The following CADPS2 variants were observed in gnomAD, a reference collection of about 807,000 sequenced individuals.
CADPS2 encodes the protein calcium-dependent secretion activator 2.
A neutral mutation model predicts 172.5 loss-of-function variants in CADPS2; 93 were observed. The observed-to-expected ratio is 0.54, with a 90% CI of 0.46 to 0.64. The LOEUF is 0.64. Among genes scored for constraint, CADPS2 ranks in the 30% least tolerant of loss-of-function variants. CADPS2 has a pLI of 0.00. For missense variants in CADPS2, 1,420 were observed against 1,565.9 expected, an observed-to-expected ratio of 0.91 and a Z score of 1.57; for synonymous variants, 546 against 555.2, an observed-to-expected ratio of 0.98 and a Z score of 0.23.
At chr7:122,570,065 C>G (rs1055387124) in intron 7 of CADPS2, among the ~76,000 whole-genome samples, 4 of 150,242 alleles carry the variant, frequency 2.7e-5, no homozygotes, top group African/African-American at 9.9e-5. Context: ...TTCTGCACAA[C>G]AAAAGAAACT....
chr7:122,332,431 G>A (rs1415309641), intron 28 of CADPS2, among the ~76,000 whole-genome samples: 1 of 145,432 alleles, frequency 6.9e-6, no homozygotes, highest in Non-Finnish European at 1.5e-5. Context: ...AGAGAAGCAT[G>A]TGATTCATGC....
At chr7:122,839,535 C>T (rs949567948) in intron 1 of CADPS2, among the ~76,000 whole-genome samples, 11 of 152,252 alleles carry the variant, frequency 7.2e-5, no homozygotes, top group South Asian at 2.1e-4. Context: ...ACTCATCTGA[C>T]AAAGGGCTAA....
chr7:122,533,490 C>T (rs139463795), intron 8 of CADPS2, among the ~76,000 whole-genome samples: 1 of 152,162 alleles, frequency 6.6e-6, no homozygotes, highest in African/African-American at 2.4e-5. Context: ...CAAACTCACA[C>T]TGCTTAACGG....
At chr7:122,851,651 C>T (rs150182261) in intron 1 of CADPS2, among the ~76,000 whole-genome samples, 37 of 152,014 alleles carry the variant, frequency 2.4e-4, no homozygotes, top group African/African-American at 6.8e-4. Flanking sequence ...ACAATCATGG[C>T]GGAAGAGGAA....
chr7:122,612,541 G>A (rs1257027171), intron 6 of CADPS2, among the ~76,000 whole-genome samples: 1 of 151,926 alleles, frequency 6.6e-6, no homozygotes, highest in African/African-American at 2.4e-5. Context: ...GAAATTGAAG[G>A]TCTAAATACA....
rs80215237 is a variant in CADPS2 at position 122,341,974 on chromosome 7, A to G, written c.3612+3600T>C. 6.5e-3 allele frequency among the ~76,000 whole-genome samples: 990 copies of G among 152,312 alleles called. 11 individuals are homozygous for G. Among genetic ancestry groups the G allele is most frequent in the African/African-American group, 0.022 (907 of 41,572 alleles). On this transcript the variant is annotated intron_variant, in intron 28 of 29. Transcript: ENST00000449022. ...TAAAAAGTTATTTCTGTTTTAAGCA[A>G]AAAGTGTTTTGTAAATGTGACTACT...
intron 4 of CADPS2, among the ~76,000 whole-genome samples, chr7:122,627,166 A>T (rs1260252907): frequency 1.3e-5 from 2 of 152,182 alleles, no homozygotes; most frequent in Non-Finnish European, 2.9e-5. Context: ...TTGTTATGTA[A>T]TCATGGTGAA....
chr7:122,370,233 G>T (rs570318266), intron 25 of CADPS2, among the ~76,000 whole-genome samples: 2 of 152,098 alleles, frequency 1.3e-5, no homozygotes, highest in Non-Finnish European at 2.9e-5. Context: ...GTTTGTTAGT[G>T]TGTCTCCTCC....
In CADPS2 at chr7:122,515,852, T is replaced by C. The variant is rs1193009050; in HGVS notation, c.1476-2537A>G. On this transcript the variant is annotated intron_variant, in intron 8 of 29. Transcript: ENST00000449022. ...TAATTAAAAAATAATAATAATTATATGTATTTAAGATTAATATGCTTTCTT... is the reference window on the plus strand; with the variant it reads ...TAATTAAAAAATAATAATAATTATACGTATTTAAGATTAATATGCTTTCTT... 2.6e-5 allele frequency among the ~76,000 whole-genome samples: 4 copies of C among 151,794 alleles called. No individual in the cohort carries two copies. In the South Asian group the frequency reaches 8.3e-4, roughly 31 times the overall value.
At chr7:122,451,348 AT>A in intron 15 of CADPS2, 25 bp downstream of exon 15, 1 of 1,200,170 alleles carries the variant, frequency 8.3e-7, no homozygotes, top group Admixed American at 2.6e-5. Flanking sequence ...GAAAAGAAAT[AT>A]TTATATTAAT....
intron 9 of CADPS2, among the ~76,000 whole-genome samples, chr7:122,496,094 T>C (rs898342070): frequency 6.6e-6 from 1 of 152,194 alleles, no homozygotes; most frequent in African/African-American, 2.4e-5. Flanking sequence ...TAATCCTCTC[T>C]GTTGTTTTTC....
rs192435731 is a variant in CADPS2 at position 122,688,308 on chromosome 7, C to T, written c.454-24739G>A. On this transcript the variant is annotated intron_variant, in intron 2 of 29. Transcript: ENST00000449022. The stretch of plus-strand genomic sequence containing the variant: ...CAAGTGAAATCAAAGAACATATTAT[C>T]TTGTAGGCGACCCACCCAATTCACT... 9.2e-5 allele frequency among the ~76,000 whole-genome samples: 14 copies of T among 152,336 alleles called. No homozygotes were observed. The East Asian group carries it at 2.5e-3, about 27-fold the overall frequency.
chr7:122,574,534 C>A (rs915092800), intron 7 of CADPS2, among the ~76,000 whole-genome samples: 1 of 145,076 alleles, frequency 6.9e-6, no homozygotes, highest in African/African-American at 2.5e-5. Flanking sequence ...TCCATCATCA[C>A]TAAAAACAAC....
intron 2 of CADPS2, chr7:122,698,414 TCTTA>T (rs757047204): frequency 6.2e-7 from 1 of 1,614,000 alleles, no homozygotes; most frequent in Non-Finnish European, 8.5e-7. Context: ...AGAACTCCCT[TCTTA>T]ATTAAATGGA....
chr7:122,701,667 C>A, intron 2 of CADPS2: 1 of 443,342 alleles, frequency 2.3e-6, no homozygotes, highest in Non-Finnish European at 4.0e-6. Context: ...GTTCAAATAG[C>A]TGGGCATGAT....
intron 3 of CADPS2, among the ~76,000 whole-genome samples, chr7:122,656,990 G>C (rs2079880366): frequency 6.6e-6 from 1 of 152,126 alleles, no homozygotes; most frequent in African/African-American, 2.4e-5. Context: ...TTTGTATAAG[G>C]TGTAAGGAAG....
chr7:122,774,195 G>A (rs932637408), intron 1 of CADPS2, among the ~76,000 whole-genome samples: 4 of 149,974 alleles, frequency 2.7e-5, no homozygotes, highest in Admixed American at 1.3e-4. Context: ...TGATTTTGAA[G>A]TTAAAAATTA....
At chr7:122,653,622 G>A (rs1483265282) in intron 3 of CADPS2, among the ~76,000 whole-genome samples, 2 of 151,974 alleles carry the variant, frequency 1.3e-5, no homozygotes, top group African/African-American at 4.8e-5. Flanking sequence ...CACATTGAAG[G>A]TCTGTGGCAA....
chr7:122,512,131 A>G (rs1563555188), intron 9 of CADPS2, among the ~76,000 whole-genome samples: 1 of 152,162 alleles, frequency 6.6e-6, no homozygotes, highest in Non-Finnish European at 1.5e-5. Flanking sequence ...CCATGTAGAT[A>G]AAACTACTTT....
Sources: gnomAD v4.1 joint callset for allele counts (sites outside exome capture counted in the v4.1 genomes callset) on GRCh38, gnomAD v4.1.1 for gene constraint, MANE v1.5 for transcripts, NCBI Gene and HGNC (gene_info 2026-07-23, HGNC 2026-07-21) for gene names.